PSMD2: variants seen among roughly 807,000 people sequenced by gnomAD.
PSMD2 encodes proteasome 26S subunit ubiquitin receptor, non-ATPase 2, also known as 26S proteasome non-ATPase regulatory subunit 2.
Under a neutral mutation model 101.5 loss-of-function variants are expected in PSMD2, and 8 were observed. That is an observed-to-expected ratio of 0.08 (90% CI 0.05 to 0.14). The LOEUF (loss-of-function observed/expected upper bound fraction) is 0.14. Ranked by LOEUF, PSMD2 falls within the 10% of genes least tolerant of loss-of-function variation. The pLI is 1.00. For synonymous variants in PSMD2, 418 were observed against 433.8 expected, an observed-to-expected ratio of 0.96 and a Z score of 0.45; for missense variants, 784 against 1,147.4, an observed-to-expected ratio of 0.68 and a Z score of 4.58.
chr3:184,306,160 G>C lies in PSMD2; in HGVS notation c.1804+5G>C. 1 of 1,614,104 alleles carries C rather than the reference G, an allele frequency of 6.2e-7. No homozygotes were observed. Among genetic ancestry groups the C allele is most frequent in the Non-Finnish European group, 8.5e-7 (1 of 1,179,938 alleles). On this transcript the variant is annotated splice_donor_5th_base_variant and intron_variant, in intron 14 of 20. Coordinates refer to ENST00000310118, the MANE Select transcript of PSMD2 (RefSeq NM_002808.5). ...TGGATGTGTGTGCATATGCAGGTCT[G>C]TGTCTTTATGAGTCTGTCTTGTGCT... is the stretch of plus-strand genomic sequence containing the variant.
chr3:184,301,177 A>C (rs1372394195), intron 3 of PSMD2, among the ~76,000 whole-genome samples: 1 of 151,784 alleles, frequency 6.6e-6, no homozygotes, highest in Non-Finnish European at 1.5e-5. Flanking sequence ...AAAAATTAAA[A>C]AAAAAAAAAT....
At position 184,308,699 on chromosome 3, in the gene PSMD2, AC is replaced by A; in HGVS notation, c.2545-6del. 1 of 1,606,868 alleles carries A rather than the reference AC, an allele frequency of 6.2e-7. No homozygotes were observed. Among genetic ancestry groups the A allele is most frequent in the Non-Finnish European group, 8.5e-7 (1 of 1,175,010 alleles). On this transcript the variant is annotated splice_region_variant and splice_polypyrimidine_tract_variant and intron_variant, in intron 20 of 20. Transcript: ENST00000310118. The surrounding 1 kb of genome is among the most constrained non-coding windows in gnomAD (Gnocchi z 6.0). ...TTCCATCTCTCTTTTCAATTTTCTTACCCTACAGGCAGTGGATGTGGTGGGC... is the reference window on the plus strand; with the variant it reads ...TTCCATCTCTCTTTTCAATTTTCTTACCTACAGGCAGTGGATGTGGTGGGC...
At chr3:184,299,795 A>T (rs1721584283) in intron 1 of PSMD2, 56 bp from the exon 2 acceptor site, 2 of 1,433,524 alleles carry the variant, frequency 1.4e-6, no homozygotes, top group South Asian at 2.3e-5. Flanking sequence ...GGTAAGTGGG[A>T]GGAGGACGTC....
chr3:184,300,214 A>G, intron 2 of PSMD2, 66 bp from the exon 3 acceptor site: 1 of 1,442,408 alleles, frequency 6.9e-7, no homozygotes, highest in Non-Finnish European at 9.5e-7. Flanking sequence ...TAAGTTAAAT[A>G]TCTCTGTATT....
Position 184,308,666 on chromosome 3 carries a change from C to A in PSMD2, c.2545-42C>A, listed in dbSNP as rs375602792. The A allele has an allele frequency of 6.3e-7, 1 of 1,596,284 alleles. No individual in the cohort carries two copies. The highest frequency in any genetic ancestry group is 8.6e-7 in the Non-Finnish European group (1 of 1,165,902). On this transcript the variant is annotated intron_variant, in intron 20 of 20. Coordinates refer to ENST00000310118, the MANE Select transcript of PSMD2 (RefSeq NM_002808.5). This position sits in a 1 kb window ranked among gnomAD's most constrained non-coding sequence, Gnocchi z 6.0. ...GAAACTGGCGTGGGCGGTGGCTTGTCGCTACTTTTCCATCTCTCTTTTCAA... is the reference window on the plus strand; with the variant it reads ...GAAACTGGCGTGGGCGGTGGCTTGTAGCTACTTTTCCATCTCTCTTTTCAA...
rs893884029 is a variant in PSMD2 at position 184,299,408 on chromosome 3, C to T, written c.135+7C>T. 3.2e-5 allele frequency: 43 copies of T among 1,342,888 alleles called. No homozygotes were observed. Among genetic ancestry groups the T allele is most frequent in the Non-Finnish European group, 4.1e-5 (43 of 1,046,538 alleles). The allele number at this position is 1,342,888 out of a possible 1,614,324, so 83.2% of individuals were successfully genotyped here. ...GGACAAAGAACAGGAGCTGGTGAGG[C>T]GCGACCCCGAGAGTCGGCGAAGGAG... On this transcript the variant is annotated splice_region_variant and intron_variant, in intron 1 of 20. Transcript: ENST00000310118.
Position 184,303,509 on chromosome 3 carries a change from ACTT to A in PSMD2, c.1216+47_1216+49del, listed in dbSNP as rs763719178. 6.5e-5 allele frequency: 104 copies of A among 1,609,266 alleles called. No homozygotes were observed. The African/African-American group carries it at 1.1e-3, about 17-fold the overall frequency. Reference sequence around the variant, plus strand: ...CTTTGTCTTTTGTTTTGCTTTGATCACTTCTTTTGTCCTCTTGGAGTCATAAGT... The same window carrying A: ...CTTTGTCTTTTGTTTTGCTTTGATCACTTTTGTCCTCTTGGAGTCATAAGT... On this transcript the variant is annotated intron_variant, in intron 9 of 20. Coordinates refer to ENST00000310118, the MANE Select transcript of PSMD2 (RefSeq NM_002808.5).
chr3:184,308,416 C>T lies in PSMD2; in HGVS notation c.2426-33C>T, dbSNP rs909774532. 1.9e-6 allele frequency: 3 copies of T among 1,541,926 alleles called. No homozygotes were observed. Among genetic ancestry groups the T allele is most frequent in the Middle Eastern group, 2.4e-4 (1 of 4,252 alleles). On this transcript the variant is annotated intron_variant, in intron 19 of 20. Coordinates refer to ENST00000310118, the MANE Select transcript of PSMD2 (RefSeq NM_002808.5). The surrounding 1 kb of genome is among the most constrained non-coding windows in gnomAD (Gnocchi z 6.0). The stretch of plus-strand genomic sequence containing the variant: ...TTTCTGGCCAGGCCTGTCTTTTTGT[C>T]TCTTAACTTTTTGTCCTGTCTGCTT...
rs1721895386 is a variant in PSMD2, at chr3:184,308,090, A to C, written c.2425+74A>C. On this transcript the variant is annotated intron_variant, in intron 19 of 20. Transcript: ENST00000310118. The surrounding 1 kb of genome is among the most constrained non-coding windows in gnomAD (Gnocchi z 6.0). ...CCACCCTTTCCAGGGCCACTTTGAT[A>C]ATTTAGGTTCAAGACCCCAGTTTAG... 1.3e-6 allele frequency: 2 copies of C among 1,579,008 alleles called. No individual in the cohort carries two copies. Among genetic ancestry groups the C allele is most frequent in the Admixed American group, 3.5e-5 (2 of 57,574 alleles).
At chr3:184,299,520 G>A (rs1204146457) in intron 1 of PSMD2, 119 bp downstream of exon 1, 10 of 1,238,838 alleles carry the variant, frequency 8.1e-6, no homozygotes, top group Non-Finnish European at 1.0e-6. Flanking sequence ...CGGTTGGGGC[G>A]ACCCTCGGGA....
Position 184,304,259 on chromosome 3 carries a change from A to C in PSMD2, c.1452-45A>C, listed in dbSNP as rs1721748433. Reference sequence around the variant, plus strand: ...TCTCCTTTTGTTCTTTTCTTGCTGCATCGTTGGGTATGTGTTGGGGACCGC... The same window carrying C: ...TCTCCTTTTGTTCTTTTCTTGCTGCCTCGTTGGGTATGTGTTGGGGACCGC... On this transcript the variant is annotated intron_variant, in intron 11 of 20. Coordinates refer to ENST00000310118, the MANE Select transcript of PSMD2 (RefSeq NM_002808.5). This position sits in a 1 kb window ranked among gnomAD's most constrained non-coding sequence, Gnocchi z 4.1. 6.3e-7 allele frequency: 1 copy of C among 1,587,628 alleles called. No homozygotes were observed. The highest frequency in any genetic ancestry group is 8.7e-7 in the Non-Finnish European group (1 of 1,155,976).
intron 8 of PSMD2, 42 bp downstream of exon 8, chr3:184,303,104 G>T: frequency 6.3e-7 from 1 of 1,590,980 alleles, no homozygotes; most frequent in Non-Finnish European, 8.6e-7. Flanking sequence ...GGGATTGTAG[G>T]TATGCCCCTT....
chr3:184,302,997 T>C lies in PSMD2; in HGVS notation c.1009-5T>C. Reference sequence around the variant, plus strand: ...AGCAATTGTGACCCTCTGACTTCTCTTCAGCTGGACATCATGGAGCCCAAG... The same window carrying C: ...AGCAATTGTGACCCTCTGACTTCTCCTCAGCTGGACATCATGGAGCCCAAG... On this transcript the variant is annotated splice_region_variant and splice_polypyrimidine_tract_variant and intron_variant, in intron 7 of 20. Transcript: ENST00000310118. 6.2e-7 allele frequency: 1 copy of C among 1,614,114 alleles called. No homozygotes were observed. Among genetic ancestry groups the C allele is most frequent in the Non-Finnish European group, 8.5e-7 (1 of 1,180,030 alleles).
At chr3:184,299,581 C>T (rs1721573818) in intron 1 of PSMD2, 180 bp downstream of exon 1, 1 of 919,010 alleles carries the variant, frequency 1.1e-6, no homozygotes, top group Non-Finnish European at 1.5e-6. Context: ...GCGCTGTCAC[C>T]TCCGCCGTCC....
In PSMD2 at chr3:184,308,877, A is replaced by T; in HGVS notation, c.2714A>T (p.Asn905Ile). 1 of 1,612,050 alleles carries T rather than the reference A, an allele frequency of 6.2e-7. No individual in the cohort carries two copies. Among genetic ancestry groups the T allele is most frequent in the Non-Finnish European group, 8.5e-7 (1 of 1,179,922 alleles). ...EGFVILRKNP[N>I]YDL ...TTTGTTATCCTTCGGAAGAACCCCA[A>T]TTATGATCTCTAAGTGACCACCAGG... Residue 905 changes from asparagine (N) to isoleucine (I), a missense_variant, in exon 21 of 21, where the codon AAT becomes ATT. Around this residue, in one of 6 missense-constraint regions of PSMD2, gnomAD observed 33 missense variants for 38.2 expected, o/e 0.86. Coordinates refer to ENST00000310118, the MANE Select transcript of PSMD2 (RefSeq NM_002808.5). The surrounding 1 kb of genome is among the most constrained non-coding windows in gnomAD (Gnocchi z 6.0).
chr3:184,300,544 T>C (rs1183956989), intron 3 of PSMD2, 100 bp downstream of exon 3: 1 of 1,492,394 alleles, frequency 6.7e-7, no homozygotes, highest in Admixed American at 2.5e-5. Context: ...CTGATAGACC[T>C]AAGCCGTGAT....
intron 3 of PSMD2, 150 bp downstream of exon 3, chr3:184,300,594 A>G: frequency 7.0e-7 from 1 of 1,425,740 alleles, no homozygotes. Flanking sequence ...ATATCTACAG[A>G]AGAGCTGAAA....
Position 184,300,375 on chromosome 3 carries a change from C to T in PSMD2, c.288C>T (p.Leu96=), listed in dbSNP as rs752783732. The part of the protein sequence containing the change: ...TTSMTSVPKP[L]KFLRPHYGKL... ...CCATGACTTCAGTGCCCAAGCCTCT[C>T]AAATTTCTGCGTCCACACTATGGCA... Residue 96 remains leucine (L), a synonymous_variant, in exon 3 of 21, where the codon CTC becomes CTT. Transcript: ENST00000310118. The T allele has an allele frequency of 3.4e-5, 55 of 1,613,952 alleles. No individual in the cohort carries two copies. Among genetic ancestry groups the T allele is most frequent in the Non-Finnish European group, 4.5e-5 (53 of 1,179,944 alleles).
chr3:184,305,812 G>A lies in PSMD2; in HGVS notation c.1584G>A (p.Gly528=). 6.2e-7 allele frequency: 1 copy of A among 1,614,142 alleles called. No individual in the cohort carries two copies. Reference sequence around the variant, plus strand: ...TAGCCTGTGGAATGATAGCAGTAGGGTCCTGCAATGGAGATGTAACTTCCA... The same window carrying A: ...TAGCCTGTGGAATGATAGCAGTAGGATCCTGCAATGGAGATGTAACTTCCA... ...TALACGMIAV[G]SCNGDVTSTI... The change falls in exon 13 of 21, where the codon GGG becomes GGA. Residue 528 remains glycine, a synonymous_variant. Transcript: ENST00000310118.
Sources: allele counts gnomAD v4.1 joint callset (sites outside exome capture counted in the v4.1 genomes callset), GRCh38; gene constraint gnomAD v4.1.1; regional missense constraint gnomAD v4.1.1; non-coding constraint Gnocchi (gnomAD v3.1); transcripts MANE v1.5; gene names NCBI Gene and HGNC (gene_info 2026-07-23, HGNC 2026-07-21).